Variants in SENP6 observed in about 807,000 individuals in gnomAD.
SENP6 encodes sentrin-specific protease 6.
Under a neutral mutation model 134.5 loss-of-function variants are expected in SENP6, and 41 were observed. The observed-to-expected ratio is 0.30, with a 90% CI of 0.24 to 0.40. The LOEUF (loss-of-function observed/expected upper bound fraction) is 0.40, where lower values mean the gene tolerates loss of function less well. SENP6 is among the 10% of genes least tolerant of loss of function. The pLI is 1.00. For missense variants in SENP6, 1,248 were observed against 1,312.5 expected (o/e 0.95, Z 0.76); for synonymous variants, 395 against 429.8 (o/e 0.92, Z 1.00).
rs375229450 is a variant in SENP6, at chr6:75,605,037, G to A, written c.52+2461G>A. Among the ~76,000 whole-genome samples, 7 of 152,290 alleles carry A rather than the reference G, an allele frequency of 4.6e-5. No individual in the cohort carries two copies. In the East Asian group the frequency reaches 7.7e-4, roughly 17 times the overall value. On this transcript the variant is annotated intron_variant, in intron 1 of 23. Transcript: ENST00000447266. The stretch of plus-strand genomic sequence containing the variant: ...GCAGTGAGCCGAGATCGCACCATTC[G>A]CACTCCAGCCTGGGCGAGGAGCGAA...
chr6:75,708,096 A>G (rs993594240), intron 19 of SENP6, among the ~76,000 whole-genome samples: 2 of 152,132 alleles, frequency 1.3e-5, no homozygotes, highest in Admixed American at 6.6e-5. Flanking sequence ...GTCTTGCTCT[A>G]TCACCCAGGT....
intron 20 of SENP6, among the ~76,000 whole-genome samples, chr6:75,710,821 A>G (rs1192051784): frequency 6.6e-6 from 1 of 152,204 alleles, no homozygotes; most frequent in Non-Finnish European, 1.5e-5. Flanking sequence ...ATAAGGACTC[A>G]GTGTCCTTAA....
chr6:75,704,385 A>T (rs904401261), intron 19 of SENP6, among the ~76,000 whole-genome samples: 3 of 152,230 alleles, frequency 2.0e-5, no homozygotes, highest in African/African-American at 7.2e-5. Flanking sequence ...AAGTGGAGGT[A>T]CTATGCCTGG....
chr6:75,697,488 G>A lies in SENP6; in HGVS notation c.2259G>A (p.Lys753=), dbSNP rs774475367. Residue 753 remains lysine (K), a synonymous_variant, in exon 18 of 24, where the codon AAG becomes AAA. Coordinates refer to ENST00000447266, the MANE Select transcript of SENP6 (RefSeq NM_015571.4). The stretch of plus-strand genomic sequence containing the variant: ...CCCGGCACGTAGATATTTTTGAGAA[G>A]GATTTTATTTTTGTACCCCTTAATG... ...TWTRHVDIFE[K]DFIFVPLNEA... 6.2e-6 allele frequency: 10 copies of A among 1,613,058 alleles called. 1 individual carries two copies. The South Asian group carries it at 8.8e-5, about 14-fold the overall frequency.
chr6:75,697,613 C>T (rs1464221118), intron 18 of SENP6, 96 bp downstream of exon 18: 2 of 801,570 alleles, frequency 2.5e-6, no homozygotes, highest in Admixed American at 2.5e-5. Context: ...CATTTTAAAA[C>T]ATCTTTCTGA....
At chr6:75,703,193 C>T (rs1257584531) in intron 19 of SENP6, 121 bp downstream of exon 19, 21 of 830,744 alleles carry the variant, frequency 2.5e-5, no homozygotes, top group Middle Eastern at 7.6e-4. Flanking sequence ...TGGTGGCTCA[C>T]GCTTATAATC....
In SENP6 at chr6:75,666,743, C is replaced by T. The variant is rs776522655; in HGVS notation, c.1026C>T (p.Asn342=). 6.9e-6 allele frequency: 11 copies of T among 1,595,496 alleles called. No homozygotes were observed. The highest frequency in any genetic ancestry group is 2.3e-5 in the South Asian group (2 of 88,488). The change falls in exon 10 of 24, where the codon AAC becomes AAT. Residue 342 remains asparagine (N), a synonymous_variant. Transcript: ENST00000447266. ...TGTCCAGTGATGATGATGATGACAA[C>T]GACAGAACTAACAGAAGAGAAAGCA... ...IILSSDDDDD[N]DRTNRRESIS... is the part of the protein sequence containing the mutation.
intron 20 of SENP6, 123 bp downstream of exon 20, chr6:75,709,753 T>C (rs1775643042): frequency 3.4e-6 from 2 of 585,538 alleles, no homozygotes; most frequent in Non-Finnish European, 6.0e-6. Flanking sequence ...AAAGATCTCT[T>C]GAGCCTAGGA....
intron 14 of SENP6, 186 bp downstream of exon 14, chr6:75,677,442 C>A: frequency 2.0e-6 from 1 of 496,956 alleles, no homozygotes; most frequent in Non-Finnish European, 3.6e-6. Flanking sequence ...TGCCAAATAC[C>A]ACTTGATACA....
intron 5 of SENP6, among the ~76,000 whole-genome samples, chr6:75,637,638 T>C (rs746141259): frequency 9.9e-5 from 15 of 152,122 alleles, no homozygotes; most frequent in Non-Finnish European, 2.1e-4. Context: ...TTTTGACTTT[T>C]TATTAAGTAT....
intron 16 of SENP6, among the ~76,000 whole-genome samples, chr6:75,690,903 G>A (rs188063516): frequency 6.6e-6 from 1 of 151,632 alleles, no homozygotes; most frequent in East Asian, 1.9e-4. Flanking sequence ...TCACCTTGTT[G>A]GCCACGCTGG....
chr6:75,621,482 A>G (rs1442626079), intron 1 of SENP6, 50 bp from the exon 2 acceptor site: 2 of 1,107,054 alleles, frequency 1.8e-6, no homozygotes, highest in South Asian at 2.7e-5. Context: ...TTTGTTTTAT[A>G]TTGAATAGCT....
intron 16 of SENP6, among the ~76,000 whole-genome samples, chr6:75,685,593 G>A (rs1246010616): frequency 6.6e-6 from 1 of 152,108 alleles, no homozygotes. Context: ...ATTCTGGTAC[G>A]TTGTGCCTTT....
intron 2 of SENP6, among the ~76,000 whole-genome samples, chr6:75,623,176 G>A (rs1489200489): frequency 2.0e-5 from 3 of 151,984 alleles, no homozygotes; most frequent in Admixed American, 2.0e-4. Flanking sequence ...CGTTGTATTT[G>A]ACTTTCTTTG....
chr6:75,705,947 T>TGAAATGGAG (rs1775377926), intron 19 of SENP6, among the ~76,000 whole-genome samples: 1 of 107,466 alleles, frequency 9.3e-6, no homozygotes, highest in Non-Finnish European at 1.8e-5. Context: ...TTTTTTTTTT[T>TGAAATGGAG]TTTTTTTGAG....
intron 12 of SENP6, 46 bp downstream of exon 12, chr6:75,675,514 C>T: frequency 8.6e-7 from 1 of 1,162,934 alleles, no homozygotes; most frequent in Non-Finnish European, 1.2e-6. Flanking sequence ...TTCTTTACAC[C>T]AAAGCACTTT....
chr6:75,660,866 C>T (rs974053566), intron 8 of SENP6, among the ~76,000 whole-genome samples: 3 of 152,022 alleles, frequency 2.0e-5, no homozygotes, highest in Non-Finnish European at 4.4e-5. Context: ...CCTGACCTCA[C>T]GTGGTCCACC....
chr6:75,701,180 G>C (rs1313219197), intron 18 of SENP6, among the ~76,000 whole-genome samples: 2 of 152,146 alleles, frequency 1.3e-5, no homozygotes, highest in Non-Finnish European at 2.9e-5. Context: ...AATATTTATT[G>C]AACACCCTAC....
chr6:75,713,437 A>G, intron 21 of SENP6, 76 bp from the exon 22 acceptor site: 2 of 1,221,680 alleles, frequency 1.6e-6, no homozygotes, highest in Non-Finnish European at 2.4e-6. Context: ...GATTGTTTAT[A>G]ATATGCCACT....
Sources: gnomAD v4.1 joint callset for allele counts (sites outside exome capture counted in the v4.1 genomes callset) on GRCh38, gnomAD v4.1.1 for gene constraint, MANE v1.5 for transcripts, NCBI Gene and HGNC (gene_info 2026-07-23, HGNC 2026-07-21) for gene names.